Variants in UTP20 observed in about 807,000 individuals in gnomAD.
UTP20 encodes the protein small subunit processome component 20 homolog.
UTP20 carries 164 observed loss-of-function variants against 329.5 expected under a neutral mutation model. The observed-to-expected ratio is 0.50, with a 90% CI of 0.44 to 0.57. The LOEUF (loss-of-function observed/expected upper bound fraction) is 0.57, where lower values mean the gene tolerates loss of function less well. UTP20 is among the 20% of genes least tolerant of loss of function. The pLI is 0.00. For synonymous variants in UTP20, 1,151 were observed against 1,159.3 expected (o/e 0.99, Z 0.14); for missense variants, 3,055 against 3,284.2 (o/e 0.93, Z 1.71).
intron 17 of UTP20, 43 bp from the exon 18 acceptor site, chr12:101,308,142 A>G (rs767303011): frequency 5.6e-5 from 81 of 1,452,258 alleles, no homozygotes; most frequent in Admixed American, 3.7e-4. Flanking sequence ...TGGAAAATCA[A>G]AATACTGACT....
In UTP20 at chr12:101,353,109, GA is replaced by G; in HGVS notation, c.5092del (p.Ile1698LeufsTer21). 6.3e-7 allele frequency: 1 copy of G among 1,595,580 alleles called. No homozygotes were observed. ...FDHKTLEEQM[G>X]KIENEENAIE... Reference sequence around the variant, plus strand: ...CACAAAACTCTTGAAGAACAAATGGGAAAAATTGAGAATGAAGAAAGTAAGT... The same window carrying G: ...CACAAAACTCTTGAAGAACAAATGGGAAAATTGAGAATGAAGAAAGTAAGT... On this transcript the variant is annotated frameshift_variant, in exon 40 of 62. Transcript: ENST00000261637. LOFTEE classifies it high-confidence loss of function.
intron 54 of UTP20, among the ~76,000 whole-genome samples, chr12:101,374,276 C>G (rs1870402216): frequency 6.6e-6 from 1 of 152,086 alleles, no homozygotes; most frequent in Non-Finnish European, 1.5e-5. Context: ...AAAAATCACC[C>G]GTATTCCTAC....
At chr12:101,327,939 C>T (rs572689544) in intron 26 of UTP20, among the ~76,000 whole-genome samples, 10 of 152,316 alleles carry the variant, frequency 6.6e-5, no homozygotes, top group Middle Eastern at 3.4e-3. Context: ...TGATTATCCC[C>T]ATTTTACACA....
intron 52 of UTP20, 41 bp downstream of exon 52, chr12:101,373,004 T>A: frequency 6.5e-7 from 1 of 1,538,728 alleles, no homozygotes. Context: ...GGAGGGTAGT[T>A]TCTTCTTTCC....
intron 44 of UTP20, among the ~76,000 whole-genome samples, chr12:101,362,455 G>A (rs538019080): frequency 1.3e-5 from 2 of 152,308 alleles, no homozygotes; most frequent in East Asian, 3.9e-4. Flanking sequence ...TGTAAACCCA[G>A]CACTTTGGGA....
chr12:101,317,270 C>G (rs1004747827), intron 21 of UTP20, among the ~76,000 whole-genome samples: 29 of 152,174 alleles, frequency 1.9e-4, no homozygotes, highest in African/African-American at 4.6e-4. Context: ...GGGCTATCTT[C>G]TACAGTTAGT....
At chr12:101,298,744 G>A (rs1164597688) in intron 12 of UTP20, among the ~76,000 whole-genome samples, 2 of 152,178 alleles carry the variant, frequency 1.3e-5, no homozygotes, top group African/African-American at 2.4e-5. Context: ...ATATCAAGAT[G>A]TGGTGACTTT....
intron 4 of UTP20, 81 bp from the exon 5 acceptor site, chr12:101,286,240 A>C: frequency 2.3e-6 from 3 of 1,278,486 alleles, no homozygotes; most frequent in Non-Finnish European, 3.2e-6. Flanking sequence ...TCCTATGATC[A>C]TAGGCCACCT....
intron 12 of UTP20, among the ~76,000 whole-genome samples, chr12:101,297,305 T>C (rs1005274092): frequency 1.2e-4 from 19 of 152,192 alleles, no homozygotes; most frequent in African/African-American, 4.6e-4. Flanking sequence ...AGCCTCGATC[T>C]CCAGGGCCCA....
At chr12:101,346,245 T>G (rs1869319528) in intron 37 of UTP20, among the ~76,000 whole-genome samples, 1 of 152,140 alleles carries the variant, frequency 6.6e-6, no homozygotes, top group Non-Finnish European at 1.5e-5. Flanking sequence ...AGACGGGGTT[T>G]TCTCCATGTT....
chr12:101,355,017 C>A lies in UTP20; in HGVS notation c.5293C>A (p.Leu1765Ile), dbSNP rs1399046537. ...GTGTATCACAAAGCCTGTCTCTTTC[C>A]TTCCTCAAAACAAGGAAGAAATAGA... ...SECITKPVSF[L>I]PQNKEEIERT... The change falls in exon 41 of 62, where the codon CTT becomes ATT. Residue 1765 changes from leucine (L) to isoleucine (I), a missense_variant. By Grantham distance (5) the Leu-to-Ile change is conservative. Around this residue, in one of 3 missense-constraint regions of UTP20, gnomAD observed 2,445 missense variants for 2,575.5 expected, o/e 0.95. Transcript: ENST00000261637. 6.2e-7 allele frequency: 1 copy of A among 1,614,164 alleles called. No homozygotes were observed. Among genetic ancestry groups the A allele is most frequent in the Admixed American group, 1.7e-5 (1 of 60,008 alleles).
intron 15 of UTP20, among the ~76,000 whole-genome samples, chr12:101,304,957 G>A (rs76646916): frequency 2.3e-3 from 344 of 152,268 alleles, no homozygotes; most frequent in African/African-American, 7.6e-3. Context: ...TGGCATTGCA[G>A]TTCCCTCTGC....
intron 21 of UTP20, among the ~76,000 whole-genome samples, chr12:101,313,742 A>C (rs911770860): frequency 1.3e-5 from 2 of 150,814 alleles, no homozygotes; most frequent in African/African-American, 4.9e-5. Context: ...GACAGGAAGG[A>C]GGGAGGGAAG....
At chr12:101,286,972 ACACT>A (rs542737764) in intron 5 of UTP20, among the ~76,000 whole-genome samples, 36 of 152,340 alleles carry the variant, frequency 2.4e-4, no homozygotes, top group Non-Finnish European at 5.1e-4. Flanking sequence ...GGTGAAAGAG[ACACT>A]CAGTATTTGT....
chr12:101,288,810 T>G, intron 5 of UTP20, 150 bp from the exon 6 acceptor site: 1 of 659,540 alleles, frequency 1.5e-6, no homozygotes, highest in East Asian at 2.9e-5. Flanking sequence ...TGTGGGTGTC[T>G]CCATAAATGA....
chr12:101,306,613 A>G (rs895160700), intron 16 of UTP20, 86 bp from the exon 17 acceptor site: 12 of 1,293,954 alleles, frequency 9.3e-6, no homozygotes, highest in Non-Finnish European at 1.2e-5. Context: ...TTTAAATTGT[A>G]TAAAACTTAA....
intron 16 of UTP20, 66 bp from the exon 17 acceptor site, chr12:101,306,633 A>G (rs1223022878): frequency 7.0e-7 from 1 of 1,418,838 alleles, no homozygotes; most frequent in Non-Finnish European, 9.7e-7. Flanking sequence ...AATCTTGCTG[A>G]CTGTGAATCA....
intron 36 of UTP20, among the ~76,000 whole-genome samples, chr12:101,345,112 A>G (rs1264084551): frequency 6.6e-6 from 1 of 151,448 alleles, no homozygotes; most frequent in Non-Finnish European, 1.5e-5. Flanking sequence ...CGCCCAGCTA[A>G]TTTTTGTATT....
chr12:101,379,530 A>C lies in UTP20; in HGVS notation c.7556A>C (p.Lys2519Thr). Residue 2519 changes from lysine (K) to threonine (T), a missense_variant, in exon 57 of 62, where the codon AAG becomes ACG. Physicochemically the swap from Lys to Thr is moderately conservative, Grantham distance 78. Coordinates refer to ENST00000261637, the MANE Select transcript of UTP20 (RefSeq NM_014503.3). The stretch of plus-strand genomic sequence containing the variant: ...CACCTCCCAGAACCTGTAGCAATCA[A>C]GTTCCTAGCCAGTGACCTTGACCAA... ...KKHLPEPVAI[K>T]FLASDLDQKM... 1 of 1,613,682 alleles carries C rather than the reference A, an allele frequency of 6.2e-7. No individual in the cohort carries two copies. The highest frequency in any genetic ancestry group is 8.5e-7 in the Non-Finnish European group (1 of 1,179,746).
Sources: allele counts gnomAD v4.1 joint callset (sites outside exome capture counted in the v4.1 genomes callset), GRCh38; gene constraint gnomAD v4.1.1; regional missense constraint gnomAD v4.1.1; transcripts MANE v1.5; gene names NCBI Gene and HGNC (gene_info 2026-07-23, HGNC 2026-07-21).